Variants in FAM241A observed in about 807,000 individuals in gnomAD.
The protein encoded by FAM241A is family with sequence similarity 241 member A.
A neutral mutation model predicts 12.2 loss-of-function variants in FAM241A; 7 were observed. The observed-to-expected ratio is 0.58, with a 90% CI of 0.33 to 1.08. The LOEUF (loss-of-function observed/expected upper bound fraction) is 1.08. FAM241A is among the 50% of genes least tolerant of loss of function. FAM241A has a pLI of 0.04. For synonymous variants in FAM241A, 74 were observed against 68.2 expected, an observed-to-expected ratio of 1.08 and a Z score of -0.42; for missense variants, 161 against 169.7, an observed-to-expected ratio of 0.95 and a Z score of 0.29.
intron 1 of FAM241A, among the ~76,000 whole-genome samples, chr4:112,156,596 A>G (rs1723358102): frequency 6.6e-6 from 1 of 152,218 alleles, no homozygotes; most frequent in Non-Finnish European, 1.5e-5. Flanking sequence ...TTCTTCTCCA[A>G]AAACACACTT....
At chr4:112,146,127 A>G (rs1279769079) in intron 1 of FAM241A, among the ~76,000 whole-genome samples, 1 of 152,150 alleles carries the variant, frequency 6.6e-6, no homozygotes, top group Non-Finnish European at 1.5e-5. Context: ...CGCCAGGTTT[A>G]GGAGACGCCG....
chr4:112,169,726 G>A (rs575304861), intron 1 of FAM241A, among the ~76,000 whole-genome samples: 3 of 152,290 alleles, frequency 2.0e-5, no homozygotes, highest in South Asian at 4.1e-4. Flanking sequence ...GGGAGAAAAC[G>A]TAGCTATGAA....
intron 1 of FAM241A, among the ~76,000 whole-genome samples, chr4:112,157,797 A>C (rs949213774): frequency 2.0e-5 from 3 of 152,078 alleles, no homozygotes; most frequent in African/African-American, 7.2e-5. Context: ...ACCTATGTCT[A>C]GTTTTTATTT....
chr4:112,162,103 T>C (rs574801019), intron 1 of FAM241A, among the ~76,000 whole-genome samples: 2 of 152,280 alleles, frequency 1.3e-5, no homozygotes, highest in South Asian at 2.1e-4. Context: ...TCGACAAAAT[T>C]CAACAACCCT....
At chr4:112,175,754 C>T (rs1227683979) in intron 1 of FAM241A, among the ~76,000 whole-genome samples, 2 of 151,000 alleles carry the variant, frequency 1.3e-5, no homozygotes, top group Admixed American at 6.6e-5. Flanking sequence ...GGCAACAGAG[C>T]GAGACTATCT....
At chr4:112,156,118 G>A (rs1349492209) in intron 1 of FAM241A, among the ~76,000 whole-genome samples, 1 of 152,174 alleles carries the variant, frequency 6.6e-6, no homozygotes, top group African/African-American at 2.4e-5. Flanking sequence ...ATCACACATA[G>A]TATGAGTGTC....
chr4:112,156,687 A>G (rs1243733922), intron 1 of FAM241A, among the ~76,000 whole-genome samples: 1 of 152,196 alleles, frequency 6.6e-6, no homozygotes, highest in South Asian at 2.1e-4. Context: ...ATTAGTATTC[A>G]TGAGGGAGAA....
At chr4:112,160,301 G>A (rs962120767) in intron 1 of FAM241A, among the ~76,000 whole-genome samples, 8 of 151,706 alleles carry the variant, frequency 5.3e-5, no homozygotes, top group East Asian at 3.9e-4. Context: ...CCAGCTACTC[G>A]GAGGCCGAGA....
Position 112,194,617 on chromosome 4 carries a change from T to C in FAM241A, c.*7679T>C, listed in dbSNP as rs1459775496. ...ATCTATTGAGATAATCATGTGGTTT[T>C]TGTCTTTGGTTCTGTTTATATGCTG... On this transcript the variant is annotated 3_prime_UTR_variant, in exon 2 of 2. Coordinates refer to ENST00000309733, the MANE Select transcript of FAM241A (RefSeq NM_152400.3). 1 of 152,180 alleles carries C rather than the reference T, an allele frequency of 6.6e-6. No individual in the cohort carries two copies. Among genetic ancestry groups the C allele is most frequent in the Non-Finnish European group, 1.5e-5 (1 of 68,044 alleles). The allele number at this position is 152,180 out of a possible 1,614,324, so 9.4% of individuals were successfully genotyped here.
At chr4:112,147,617 AT>A (rs901076041) in intron 1 of FAM241A, among the ~76,000 whole-genome samples, 10 of 152,372 alleles carry the variant, frequency 6.6e-5, no homozygotes, top group African/African-American at 2.4e-4. Context: ...GTGTAAAGAT[AT>A]TTGAGGAAGA....
intron 1 of FAM241A, among the ~76,000 whole-genome samples, chr4:112,159,961 C>T (rs1723428933): frequency 6.6e-6 from 1 of 152,028 alleles, no homozygotes; most frequent in Admixed American, 6.6e-5. Context: ...TAAAGGGCAT[C>T]CAGATTGGAA....
chr4:112,168,310 T>G (rs1432869387), intron 1 of FAM241A, among the ~76,000 whole-genome samples: 1 of 152,194 alleles, frequency 6.6e-6, no homozygotes, highest in African/African-American at 2.4e-5. Context: ...GAAAAGCAAT[T>G]AAACTTTTTT....
At chr4:112,161,316 C>T (rs1298882551) in intron 1 of FAM241A, among the ~76,000 whole-genome samples, 2 of 152,040 alleles carry the variant, frequency 1.3e-5, no homozygotes, top group Non-Finnish European at 2.9e-5. Flanking sequence ...AAGATCAAAG[C>T]AGAACTGAAG....
In FAM241A at chr4:112,189,215, C is replaced by T. The variant is rs1266922651; in HGVS notation, c.*2277C>T. On this transcript the variant is annotated 3_prime_UTR_variant, in exon 2 of 2. Transcript: ENST00000309733. ...CCTGGCTAACATGGTGAAACCCCAT[C>T]CCTACTAAAGGTACAAAAAATTAGC... is the stretch of plus-strand genomic sequence containing the variant. The T allele has an allele frequency of 6.6e-6, 1 of 151,606 alleles. No homozygotes were observed. Among genetic ancestry groups the T allele is most frequent in the Non-Finnish European group, 1.5e-5 (1 of 67,932 alleles). 9.4% of individuals were successfully genotyped at this position (151,606 alleles called of 1,614,324 possible).
intron 1 of FAM241A, among the ~76,000 whole-genome samples, chr4:112,162,681 C>CT (rs753385575): frequency 6.6e-6 from 1 of 152,170 alleles, no homozygotes; most frequent in Non-Finnish European, 1.5e-5. Context: ...AATGGAAGAA[C>CT]ATTCCATGCT....
chr4:112,178,016 T>C (rs866050430), intron 1 of FAM241A, among the ~76,000 whole-genome samples: 3 of 152,150 alleles, frequency 2.0e-5, no homozygotes, highest in Non-Finnish European at 2.9e-5. Context: ...TATGAGTCTA[T>C]GATGGGCCAG....
At chr4:112,186,584 T>C (rs756515414) in intron 1 of FAM241A, 109 bp from the exon 2 acceptor site, 5 of 988,770 alleles carry the variant, frequency 5.1e-6, no homozygotes, top group Non-Finnish European at 7.4e-6. Flanking sequence ...GTAGAATAAT[T>C]ATCAGAAGTA....
At chr4:112,171,567 C>A (rs1268102681) in intron 1 of FAM241A, 1 of 717,800 alleles carries the variant, frequency 1.4e-6, no homozygotes, top group African/African-American at 1.7e-5. Flanking sequence ...ACTATAAAAT[C>A]TTGAGTTTAT....
chr4:112,152,228 G>T (rs1723257320), intron 1 of FAM241A, among the ~76,000 whole-genome samples: 1 of 152,262 alleles, frequency 6.6e-6, no homozygotes, highest in Middle Eastern at 3.4e-3. Context: ...ATTTGACAAT[G>T]TCTGGACATT....
Sources: allele counts gnomAD v4.1 joint callset (sites outside exome capture counted in the v4.1 genomes callset), GRCh38; gene constraint gnomAD v4.1.1; transcripts MANE v1.5; gene names NCBI Gene and HGNC (gene_info 2026-07-23, HGNC 2026-07-21).